Variants in ZNF444 observed in about 807,000 individuals in gnomAD.
ZNF444 encodes zinc finger protein 444, also known as endothelial zinc finger protein 2.
In ZNF444, 8 loss-of-function variants were observed where a neutral mutation model predicts 14.4. The observed-to-expected ratio is 0.56, with a 90% CI of 0.33 to 1.00. The LOEUF is 1.00. Among genes scored for constraint, ZNF444 ranks in the 50% least tolerant of loss-of-function variants. The probability of loss-of-function intolerance (pLI) is 0.03; values close to 1 mark genes in which losing one functional copy is unlikely to be tolerated. For missense variants in ZNF444, 510 were observed against 504.8 expected (o/e 1.01, Z -0.10); for synonymous variants, 258 against 235.9 (o/e 1.09, Z -0.86).
At chr19:56,137,488 G>GA (rs1160433266), upstream of ZNF444, among the ~76,000 whole-genome samples, 3 of 150,226 alleles carry the variant, frequency 2.0e-5, no homozygotes, top group African/African-American at 7.3e-5. Flanking sequence ...AAAAGAAAAA[G>GA]AAAAAAAAAG....
At position 56,160,332 on chromosome 19, in the gene ZNF444, G is replaced by A; in HGVS notation, c.*131G>A. 1.4e-6 allele frequency: 1 copy of A among 707,050 alleles called. No homozygotes were observed. Among genetic ancestry groups the A allele is most frequent in the Non-Finnish European group, 2.1e-6 (1 of 469,660 alleles). 43.8% of individuals were successfully genotyped at this position (707,050 alleles called of 1,614,324 possible). On this transcript the variant is annotated 3_prime_UTR_variant, in exon 5 of 5. Coordinates refer to ENST00000337080, the MANE Select transcript of ZNF444 (RefSeq NM_018337.4). ...GTCCTCCTCCACCTGCGCCTCCCTT[G>A]TCTGAACTTCCCAACGCCTTCCTAT...
chr19:56,158,344 C>T (rs2032033690), intron 3 of ZNF444, 150 bp from the exon 4 acceptor site: 1 of 713,100 alleles, frequency 1.4e-6, no homozygotes, highest in Non-Finnish European at 2.2e-6. Context: ...CTGGGGGCCT[C>T]TCTGTGGGGC....
At chr19:56,158,322 T>G in intron 3 of ZNF444, 172 bp from the exon 4 acceptor site, 1 of 578,000 alleles carries the variant, frequency 1.7e-6, no homozygotes, top group Non-Finnish European at 2.9e-6. Context: ...GCAGGAGGCC[T>G]TGGTTCCTCA....
intron 3 of ZNF444, chr19:56,156,542 T>C (rs2031916101): frequency 6.6e-6 from 1 of 152,190 alleles, no homozygotes; most frequent in African/African-American, 2.4e-5. Context: ...AAAAATTTTT[T>C]ATGGCCAGAG....
chr19:56,158,180 T>G, intron 3 of ZNF444: 1 of 245,336 alleles, frequency 4.1e-6, no homozygotes, highest in Non-Finnish European at 7.8e-6. Context: ...AAAGCCTCTG[T>G]GGGTCCGGAG....
chr19:56,159,678 G>GC lies in ZNF444; in HGVS notation c.465dup (p.Tyr156LeufsTer56). ...GCGCCTGGGGACTCCCAGGCTGTGC[G>GC]CCCCTACAAGCAGGAGCCCAGCAGC... is the stretch of plus-strand genomic sequence containing the variant. On this transcript the variant is annotated frameshift_variant, in exon 5 of 5. Transcript: ENST00000337080. LOFTEE classifies it low-confidence loss of function (END_TRUNC). The GC allele has an allele frequency of 6.6e-7, 1 of 1,522,292 alleles. No individual in the cohort carries two copies. The highest frequency in any genetic ancestry group is 2.5e-5 in the East Asian group (1 of 40,478). 94.3% of individuals were successfully genotyped at this position (1,522,292 alleles called of 1,614,324 possible). A position where few individuals can be genotyped will look rare whatever the true frequency, so the allele number is the denominator to read the frequency against.
rs564703570 is a variant in ZNF444 at position 56,145,932 on chromosome 19, C to A, written c.-196-315C>A. On this transcript the variant is annotated intron_variant, in intron 1 of 4. Coordinates refer to ENST00000337080, the MANE Select transcript of ZNF444 (RefSeq NM_018337.4). This position sits in a 1 kb window ranked among gnomAD's most constrained non-coding sequence, Gnocchi z 4.3. ...CTGCTGGCAGAGATGGACAGAGTCC[C>A]GGTGTCCCTTTCTCTTATAAGGCCA... is the stretch of plus-strand genomic sequence containing the variant. Among the ~76,000 whole-genome samples the A allele has an allele frequency of 6.6e-6, 1 of 152,204 alleles. No individual in the cohort carries two copies. The highest frequency in any genetic ancestry group is 1.5e-5 in the Non-Finnish European group (1 of 68,038).
intron 3 of ZNF444, chr19:56,154,354 T>C (rs2031768283): frequency 6.6e-6 from 1 of 152,174 alleles, no homozygotes; most frequent in Non-Finnish European, 1.5e-5. Context: ...CAGGCTGGAG[T>C]GCAGTGGCGT....
In ZNF444 at chr19:56,159,801, TGCGCCACCGGCAGAGCCACTCGGGCGA is replaced by T. The variant is rs1487340216; in HGVS notation, c.586_612del (p.Arg196_Glu204del). Reference sequence around the variant, plus strand: ...ACGTCCCTGAAACCAGCTCACCTGCTGCGCCACCGGCAGAGCCACTCGGGCGAGAAGCCGCACGCCTGCCCTGAGTGC... The same window carrying T: ...ACGTCCCTGAAACCAGCTCACCTGCTGAAGCCGCACGCCTGCCCTGAGTGC... On this transcript the variant is annotated inframe_deletion, in exon 5 of 5. Transcript: ENST00000337080. 1 of 1,588,480 alleles carries T rather than the reference TGCGCCACCGGCAGAGCCACTCGGGCGA, an allele frequency of 6.3e-7. No homozygotes were observed. The highest frequency in any genetic ancestry group is 8.5e-7 in the Non-Finnish European group (1 of 1,172,442).
chr19:56,142,862 G>A lies in ZNF444; in HGVS notation c.-197+1505G>A, dbSNP rs142267995. ...CCCAGCATATGTGGGTGCTGGTGCCGGGGTACTAGGTGGAACTGGTGTGGA... is the reference window on the plus strand; with the variant it reads ...CCCAGCATATGTGGGTGCTGGTGCCAGGGTACTAGGTGGAACTGGTGTGGA... On this transcript the variant is annotated intron_variant, in intron 1 of 4. Coordinates refer to ENST00000337080, the MANE Select transcript of ZNF444 (RefSeq NM_018337.4). Among the ~76,000 whole-genome samples, 6 of 152,294 alleles carry A rather than the reference G, an allele frequency of 3.9e-5. 1 individual carries two copies. Among genetic ancestry groups the A allele is most frequent in the South Asian group, 4.1e-4 (2 of 4,822 alleles).
exon 1 of ZNF444, chr19:56,132,643 A>G (rs1013767876): frequency 3.9e-5 from 6 of 152,252 alleles, no homozygotes; most frequent in Admixed American, 3.9e-4. Flanking sequence ...CTCTCCAGAG[A>G]GTAAAGGGCT....
At chr19:56,133,620 G>A (rs1420824800) in intron 1 of ZNF444, among the ~76,000 whole-genome samples, 1 of 150,848 alleles carries the variant, frequency 6.6e-6, no homozygotes, top group African/African-American at 2.5e-5. Flanking sequence ...AGACCATCCT[G>A]GCTAACATGG....
At chr19:56,136,260 G>A (rs1270049015) in intron 1 of ZNF444, among the ~76,000 whole-genome samples, 1 of 151,978 alleles carries the variant, frequency 6.6e-6, no homozygotes, top group Non-Finnish European at 1.5e-5. Context: ...ATGTTGGGTG[G>A]GTTTGGAGCC....
At chr19:56,134,422 A>C (rs2030565100) in intron 1 of ZNF444, among the ~76,000 whole-genome samples, 1 of 152,136 alleles carries the variant, frequency 6.6e-6, no homozygotes, top group South Asian at 2.1e-4. Flanking sequence ...GCAGGCAAGG[A>C]GGGTTGGTCT....
chr19:56,159,816 GC>G lies in ZNF444; in HGVS notation c.601del (p.His201ThrfsTer111). 4 of 1,578,888 alleles carry G rather than the reference GC, an allele frequency of 2.5e-6. No homozygotes were observed. The highest frequency in any genetic ancestry group is 3.4e-6 in the Non-Finnish European group (4 of 1,168,210). On this transcript the variant is annotated frameshift_variant, in exon 5 of 5. Coordinates refer to ENST00000337080, the MANE Select transcript of ZNF444 (RefSeq NM_018337.4). LOFTEE classifies it low-confidence loss of function (END_TRUNC). ...GCTCACCTGCTGCGCCACCGGCAGA[GC>G]CACTCGGGCGAGAAGCCGCACGCCT... is the stretch of plus-strand genomic sequence containing the variant. ...KPAHLLRHRQ[S>X]HSGEKPHACP...
intron 3 of ZNF444, chr19:56,157,750 C>T (rs1568563748): frequency 1.3e-5 from 2 of 152,228 alleles, no homozygotes; most frequent in South Asian, 2.1e-4. Context: ...GATCCACGTA[C>T]TCCTCTGGCC....
chr19:56,137,396 G>A (rs910850950), upstream of ZNF444, among the ~76,000 whole-genome samples: 3 of 151,966 alleles, frequency 2.0e-5, no homozygotes, highest in African/African-American at 7.3e-5. Flanking sequence ...CTTAAGCCTG[G>A]GAGAAGGGGG....
At position 56,158,612 on chromosome 19, in the gene ZNF444, T is replaced by C; in HGVS notation, c.406+10T>C. 1 of 1,597,072 alleles carries C rather than the reference T, an allele frequency of 6.3e-7. No homozygotes were observed. Among genetic ancestry groups the C allele is most frequent in the South Asian group, 1.1e-5 (1 of 89,012 alleles). On this transcript the variant is annotated intron_variant, in intron 4 of 4. Coordinates refer to ENST00000337080, the MANE Select transcript of ZNF444 (RefSeq NM_018337.4). ...GGGATGATTCCCTTAGGTGAGCTGCTGGCCTCTCTGGTTCTCCCCGCCAGC... is the reference window on the plus strand; with the variant it reads ...GGGATGATTCCCTTAGGTGAGCTGCCGGCCTCTCTGGTTCTCCCCGCCAGC...
In ZNF444 at chr19:56,152,359, C is replaced by T. The variant is rs1043890065; in HGVS notation, c.297+5151C>T. Among the ~76,000 whole-genome samples the T allele has an allele frequency of 3.3e-5, 5 of 151,304 alleles. No individual in the cohort carries two copies. In the East Asian group the frequency reaches 5.8e-4, roughly 18 times the overall value. On this transcript the variant is annotated intron_variant, in intron 3 of 4. Coordinates refer to ENST00000337080, the MANE Select transcript of ZNF444 (RefSeq NM_018337.4). The stretch of plus-strand genomic sequence containing the variant: ...AAAAAAAAAAAAAAAATACCGTTGC[C>T]GGGATTTTACTCTTAGATTTGAAGT...
Sources: allele counts gnomAD v4.1 joint callset (sites outside exome capture counted in the v4.1 genomes callset), GRCh38; gene constraint gnomAD v4.1.1; non-coding constraint Gnocchi (gnomAD v3.1); transcripts MANE v1.5; gene names NCBI Gene and HGNC (gene_info 2026-07-23, HGNC 2026-07-21).